Variants in NFYC observed in about 807,000 individuals in gnomAD.
The protein encoded by NFYC is nuclear transcription factor Y subunit gamma, also known as CAAT box DNA-binding protein subunit C.
Under a neutral mutation model 53.1 loss-of-function variants are expected in NFYC, and 25 were observed. The observed-to-expected ratio is 0.47, with a 90% CI of 0.34 to 0.66. The LOEUF (loss-of-function observed/expected upper bound fraction) is 0.66, where lower values mean the gene tolerates loss of function less well. NFYC is among the 30% of genes least tolerant of loss of function. The probability of loss-of-function intolerance (pLI) is 0.01; values close to 1 mark genes in which losing one functional copy is unlikely to be tolerated. For missense variants in NFYC, 260 were observed against 422.7 expected (o/e 0.62, Z 3.38); for synonymous variants, 145 against 152.6 (o/e 0.95, Z 0.37).
chr1:40,738,194 G>A (rs1217992975), intron 1 of NFYC, among the ~76,000 whole-genome samples: 2 of 152,092 alleles, frequency 1.3e-5, no homozygotes, highest in African/African-American at 4.8e-5. Flanking sequence ...GAGCCACCGC[G>A]CCCGGCCCTC....
chr1:40,740,425 CTTA>C (rs1433661800), intron 2 of NFYC, among the ~76,000 whole-genome samples: 2 of 150,350 alleles, frequency 1.3e-5, no homozygotes, highest in Non-Finnish European at 1.5e-5. Context: ...AATGAAATAA[CTTA>C]TTATGATAAA....
chr1:40,753,336 ATT>A (rs1646021564), intron 5 of NFYC, 90 bp downstream of exon 5: 1 of 828,656 alleles, frequency 1.2e-6, no homozygotes, highest in Admixed American at 2.1e-5. Flanking sequence ...AGCACAAGTC[ATT>A]TGCTATTCCT....
intron 1 of NFYC, among the ~76,000 whole-genome samples, chr1:40,701,475 T>C (rs1643432033): frequency 6.6e-6 from 1 of 152,236 alleles, no homozygotes; most frequent in African/African-American, 2.4e-5. Context: ...ATACTTTCTG[T>C]CAGCTTCAGG....
At chr1:40,715,154 A>G (rs948130594) in intron 1 of NFYC, among the ~76,000 whole-genome samples, 6 of 151,544 alleles carry the variant, frequency 4.0e-5, no homozygotes, top group African/African-American at 1.5e-4. Context: ...CTGTAATCCC[A>G]GCACTTTGGG....
chr1:40,763,288 G>A (rs34320811), intron 7 of NFYC: 10,572 of 298,462 alleles, frequency 0.035, 1,185 homozygotes, highest in Admixed American at 0.094. Context: ...ATATATATCT[G>A]TAGCTATATA....
At chr1:40,701,397 G>A (rs559025174) in intron 1 of NFYC, among the ~76,000 whole-genome samples, 13 of 152,286 alleles carry the variant, frequency 8.5e-5, no homozygotes, top group African/African-American at 2.6e-4. Flanking sequence ...CACTGCGCCC[G>A]GCCTACCTTT....
intron 5 of NFYC, among the ~76,000 whole-genome samples, chr1:40,757,695 T>C (rs1220153279): frequency 6.6e-6 from 1 of 152,216 alleles, no homozygotes; most frequent in Non-Finnish European, 1.5e-5. Flanking sequence ...AGAAGAGTGC[T>C]GCCTATTTGG....
At chr1:40,698,678 T>C (rs1643277400) in intron 1 of NFYC, among the ~76,000 whole-genome samples, 1 of 152,008 alleles carries the variant, frequency 6.6e-6, no homozygotes, top group Admixed American at 6.5e-5. Flanking sequence ...TCTGCCTGCC[T>C]CAGCCTCCAC....
intron 1 of NFYC, among the ~76,000 whole-genome samples, chr1:40,715,308 T>G (rs1171203517): frequency 1.3e-5 from 2 of 149,050 alleles, no homozygotes; most frequent in African/African-American, 5.0e-5. Context: ...AAGAATTGCT[T>G]GAACTGGGAG....
At chr1:40,719,008 A>T (rs1275348125) in intron 1 of NFYC, among the ~76,000 whole-genome samples, 1 of 152,152 alleles carries the variant, frequency 6.6e-6, no homozygotes, top group Non-Finnish European at 1.5e-5. Context: ...AGTAGCTGGG[A>T]CTACAGATGT....
At chr1:40,768,663 A>G (rs184698630) in intron 8 of NFYC, 2 of 152,390 alleles carry the variant, frequency 1.3e-5, no homozygotes, top group Non-Finnish European at 2.9e-5. Context: ...GCAGTTCTAC[A>G]TGTCAGTACA....
chr1:40,700,727 T>A (rs1399360817), intron 1 of NFYC, among the ~76,000 whole-genome samples: 2 of 152,338 alleles, frequency 1.3e-5, no homozygotes, highest in South Asian at 2.1e-4. Flanking sequence ...TTTTATTTTT[T>A]AATTTTTAAT....
chr1:40,722,825 C>T (rs1311936330), intron 1 of NFYC, among the ~76,000 whole-genome samples: 1 of 152,158 alleles, frequency 6.6e-6, no homozygotes, highest in Non-Finnish European at 1.5e-5. Context: ...TTAGTGCCCC[C>T]AACTGTTCGC....
Position 40,715,408 on chromosome 1 carries a change from C to CT in NFYC, c.-8-23415dup, listed in dbSNP as rs778550066. The stretch of plus-strand genomic sequence containing the variant: ...AAGAAAAAAAAACAAAAAACAAAAA[C>CT]TTTTTTTTTTTTTCCTGTAGAAATG... On this transcript the variant is annotated intron_variant, in intron 1 of 9. Coordinates refer to ENST00000447388, the MANE Select transcript of NFYC (RefSeq NM_014223.5). 5.8e-4 allele frequency among the ~76,000 whole-genome samples: 85 copies of CT among 145,884 alleles called. 1 individual carries two copies. Among genetic ancestry groups the CT allele is most frequent in the Middle Eastern group, 7.1e-3 (2 of 282 alleles).
chr1:40,763,590 G>T lies in NFYC; in HGVS notation c.720+544G>T, dbSNP rs561605245. 1.2e-5 allele frequency: 4 copies of T among 346,600 alleles called. No homozygotes were observed. The East Asian group carries it at 3.1e-4, about 27-fold the overall frequency. 21.5% of individuals were successfully genotyped at this position (346,600 alleles called of 1,614,324 possible). The stretch of plus-strand genomic sequence containing the variant: ...TCTAACTCCTAACCTCAGGTGATCC[G>T]CCCGCCTCGGCCTCCCAAAGTGCTG... On this transcript the variant is annotated intron_variant, in intron 7 of 9. Transcript: ENST00000447388.
intron 1 of NFYC, among the ~76,000 whole-genome samples, chr1:40,714,585 T>A (rs1445760830): frequency 1.3e-5 from 2 of 152,196 alleles, no homozygotes; most frequent in African/African-American, 4.8e-5. Context: ...ATAGAATATA[T>A]TTCATGTCTA....
intron 2 of NFYC, among the ~76,000 whole-genome samples, chr1:40,742,644 G>A (rs533420266): frequency 6.6e-6 from 1 of 152,310 alleles, no homozygotes; most frequent in East Asian, 1.9e-4. Flanking sequence ...GCCATGCTAT[G>A]TCTTTTATAT....
chr1:40,740,064 G>A (rs144468431), intron 2 of NFYC, among the ~76,000 whole-genome samples: 1 of 152,238 alleles, frequency 6.6e-6, no homozygotes, highest in Non-Finnish European at 1.5e-5. Context: ...TCATAATACA[G>A]TTGTCATGTC....
chr1:40,751,051 A>G (rs1030367311), intron 4 of NFYC, among the ~76,000 whole-genome samples: 24 of 152,208 alleles, frequency 1.6e-4, no homozygotes, highest in Non-Finnish European at 2.8e-4. Flanking sequence ...TTTGTACCCA[A>G]AAGAACTGTA....
Sources: allele counts gnomAD v4.1 joint callset (sites outside exome capture counted in the v4.1 genomes callset), GRCh38; gene constraint gnomAD v4.1.1; transcripts MANE v1.5; gene names NCBI Gene and HGNC (gene_info 2026-07-23, HGNC 2026-07-21).